The following SCN10A variants were observed in gnomAD, a reference collection of about 807,000 sequenced individuals.
SCN10A encodes sodium channel protein type 10 subunit alpha.
A neutral mutation model predicts 170.7 loss-of-function variants in SCN10A; 162 were observed. That is an observed-to-expected ratio of 0.95 (90% CI 0.84 to 1.08). The LOEUF is 1.08. SCN10A is among the 50% of genes least tolerant of loss of function. The pLI is 0.00. For missense variants in SCN10A, 2,527 were observed against 2,436.9 expected, an observed-to-expected ratio of 1.04 and a Z score of -0.78; for synonymous variants, 985 against 904.6, an observed-to-expected ratio of 1.09 and a Z score of -1.59.
chr3:38,778,743 C>T (rs1481651069), intron 4 of SCN10A, among the ~76,000 whole-genome samples: 1 of 152,042 alleles, frequency 6.6e-6, no homozygotes, highest in African/African-American at 2.4e-5. Context: ...TTATCTTCCT[C>T]TGGGTTCTCA....
In SCN10A at chr3:38,726,921, G is replaced by A. The variant is rs1448743354; in HGVS notation, c.2772C>T (p.Thr924=). The change falls in exon 17 of 28, where the codon ACC becomes ACT. Residue 924 remains threonine, a synonymous_variant. Coordinates refer to ENST00000449082, the MANE Select transcript of SCN10A (RefSeq NM_006514.4). The part of the protein sequence containing the change: ...LARIQVFGHR[T]KQALCSFFSR... ...TGAAGAAGCTGCAAAGAGCCTGTTTGGTACGATGGCCAAAGACCTGGATCC... is the reference window on the plus strand; with the variant it reads ...TGAAGAAGCTGCAAAGAGCCTGTTTAGTACGATGGCCAAAGACCTGGATCC... 5 of 1,614,270 alleles carry A rather than the reference G, an allele frequency of 3.1e-6. No individual in the cohort carries two copies. Among genetic ancestry groups the A allele is most frequent in the Non-Finnish European group, 4.2e-6 (5 of 1,180,056 alleles).
chr3:38,705,968 G>A (rs995207802), intron 26 of SCN10A, among the ~76,000 whole-genome samples: 1 of 152,070 alleles, frequency 6.6e-6, no homozygotes, highest in African/African-American at 2.4e-5. Context: ...TGTTGATGGA[G>A]GGATACTCAA....
chr3:38,741,044 C>G (rs2063625896), intron 14 of SCN10A, among the ~76,000 whole-genome samples: 1 of 152,142 alleles, frequency 6.6e-6, no homozygotes, highest in African/African-American at 2.4e-5. Flanking sequence ...GTTCCAGAAC[C>G]TACTGCTGCC....
rs372142892 is a variant in SCN10A at position 38,723,592 on chromosome 3, C to T, written c.3229-39G>A. Reference sequence around the variant, plus strand: ...GCCCAGGGCAGTGAACTCGTCTCTCCGCGGGGCCCGGGGAATTGCACACGG... The same window carrying T: ...GCCCAGGGCAGTGAACTCGTCTCTCTGCGGGGCCCGGGGAATTGCACACGG... On this transcript the variant is annotated intron_variant, in intron 18 of 27. Coordinates refer to ENST00000449082, the MANE Select transcript of SCN10A (RefSeq NM_006514.4). The T allele has an allele frequency of 1.2e-5, 18 of 1,552,424 alleles. No individual in the cohort carries two copies. The South Asian group carries it at 1.2e-4, about 10-fold the overall frequency.
chr3:38,743,446 T>G (rs1008254316), intron 13 of SCN10A, among the ~76,000 whole-genome samples: 6 of 152,356 alleles, frequency 3.9e-5, no homozygotes, highest in Admixed American at 6.5e-5. Flanking sequence ...CCCCATGCTC[T>G]CTTTCATTAC....
intron 5 of SCN10A, among the ~76,000 whole-genome samples, chr3:38,764,834 A>C (rs948470413): frequency 6.6e-6 from 1 of 152,208 alleles, no homozygotes; most frequent in Non-Finnish European, 1.5e-5. Context: ...TCCCACCAGC[A>C]GTGTAAAATT....
intron 3 of SCN10A, 29 bp downstream of exon 3, chr3:38,792,021 C>A (rs778532226): frequency 6.2e-7 from 1 of 1,611,396 alleles, no homozygotes; most frequent in East Asian, 2.2e-5. Context: ...AATTGTAACA[C>A]GTGGAAGAGG....
At chr3:38,812,593 C>T (rs1289128145) in intron 1 of SCN10A, among the ~76,000 whole-genome samples, 5 of 152,118 alleles carry the variant, frequency 3.3e-5, no homozygotes, top group Non-Finnish European at 1.5e-5. Flanking sequence ...CTCTCCCATG[C>T]CCCTTCCCAG....
At chr3:38,737,758 C>T (rs28706149) in intron 15 of SCN10A, among the ~76,000 whole-genome samples, 15,410 of 118,258 alleles carry the variant, frequency 0.13, 1,962 homozygotes, top group African/African-American at 0.34. Flanking sequence ...CTCTCTCTCC[C>T]TCCCTCCCTC....
At chr3:38,756,014 A>G in intron 10 of SCN10A, 56 bp from the exon 11 acceptor site, 1 of 1,590,274 alleles carries the variant, frequency 6.3e-7, no homozygotes, top group Non-Finnish European at 8.6e-7. Flanking sequence ...CTTAGCATGA[A>G]TGTGTCCCCC....
At chr3:38,778,560 C>A (rs2064102381) in intron 4 of SCN10A, among the ~76,000 whole-genome samples, 1 of 151,816 alleles carries the variant, frequency 6.6e-6, no homozygotes, top group South Asian at 2.1e-4. Context: ...GGTAATTGTG[C>A]AAAGCTAATG....
intron 27 of SCN10A, among the ~76,000 whole-genome samples, chr3:38,701,459 T>A (rs2063155271): frequency 1.3e-5 from 2 of 152,164 alleles, no homozygotes; most frequent in South Asian, 4.1e-4. Flanking sequence ...TCATCTCACA[T>A]TACACCACCT....
chr3:38,789,658 T>C (rs557819130), intron 3 of SCN10A, among the ~76,000 whole-genome samples: 3 of 152,056 alleles, frequency 2.0e-5, no homozygotes, highest in African/African-American at 7.2e-5. Context: ...GGAAATGAAA[T>C]ACTGGCTCAG....
Position 38,697,775 on chromosome 3 carries a change from G to A in SCN10A, c.5445C>T (p.Ser1815=), listed in dbSNP as rs111535651. The part of the protein sequence containing the change: ...FAFTKNVLGE[S]GELDSLKANM... ...TTGCCTTCAGAGAATCCAACTCCCC[G>A]GATTCTCCTAGGACATTCTTGGTGA... The change falls in exon 28 of 28, where the codon TCC becomes TCT. Residue 1815 remains serine (S), a synonymous_variant. Transcript: ENST00000449082. The A allele has an allele frequency of 3.7e-5, 60 of 1,613,964 alleles. No homozygotes were observed. The highest frequency in any genetic ancestry group is 1.3e-4 in the African/African-American group (10 of 74,908).
At chr3:38,763,628 C>T in intron 5 of SCN10A, 32 bp from the exon 6 acceptor site, 5 of 1,527,500 alleles carry the variant, frequency 3.3e-6, no homozygotes, top group Non-Finnish European at 4.5e-6. Context: ...AGCATCTCTG[C>T]AAGCAAGGGT....
chr3:38,705,240 T>C (rs2063198074), intron 26 of SCN10A, among the ~76,000 whole-genome samples: 1 of 152,074 alleles, frequency 6.6e-6, no homozygotes, highest in South Asian at 2.1e-4. Context: ...AAGGAAAGAG[T>C]GTTTACCTTG....
chr3:38,810,073 G>A lies in SCN10A; in HGVS notation c.-33+5964C>T, dbSNP rs536087016. 3.0e-4 allele frequency among the ~76,000 whole-genome samples: 46 copies of A among 152,248 alleles called. No individual in the cohort carries two copies. The South Asian group carries it at 5.0e-3, about 16-fold the overall frequency. ...TGCCCAGACTGAAGTTCCCCACTGGGAACTTGGTTGAACACCTACCAAAAG... is the reference window on the plus strand; with the variant it reads ...TGCCCAGACTGAAGTTCCCCACTGGAAACTTGGTTGAACACCTACCAAAAG... On this transcript the variant is annotated intron_variant, in intron 1 of 27. Coordinates refer to ENST00000449082, the MANE Select transcript of SCN10A (RefSeq NM_006514.4).
Position 38,792,127 on chromosome 3 carries a change from A to T in SCN10A, c.312T>A (p.Phe104Leu). ...ATAGCCACAGGGCCCGAGTGGCACT[A>T]AACCGGGAAATGGTCCTCCCTTTGT... ...VLNKGRTISR[F>L]SATRALWLFS... Residue 104 changes from phenylalanine (F) to leucine (L), a missense_variant, in exon 3 of 28, where the codon TTT (phenylalanine) becomes TTA (leucine). Coordinates refer to ENST00000449082, the MANE Select transcript of SCN10A (RefSeq NM_006514.4). The T allele has an allele frequency of 6.2e-7, 1 of 1,613,900 alleles. No homozygotes were observed. Among genetic ancestry groups the T allele is most frequent in the Non-Finnish European group, 8.5e-7 (1 of 1,179,836 alleles).
chr3:38,746,722 A>T (rs1022965057), intron 13 of SCN10A, among the ~76,000 whole-genome samples: 1 of 152,128 alleles, frequency 6.6e-6, no homozygotes, highest in Non-Finnish European at 1.5e-5. Flanking sequence ...TCTGCTTTGC[A>T]GTCCTTTCAG....
Sources: gnomAD v4.1 joint callset for allele counts (sites outside exome capture counted in the v4.1 genomes callset) on GRCh38, gnomAD v4.1.1 for gene constraint, MANE v1.5 for transcripts, NCBI Gene and HGNC (gene_info 2026-07-23, HGNC 2026-07-21) for gene names.